The following COL21A1 variants were observed in gnomAD, a reference collection of about 807,000 sequenced individuals.
COL21A1 encodes collagen alpha-1(XXI) chain.
COL21A1 carries 149 observed loss-of-function variants against 137.9 expected under a neutral mutation model. The ratio of observed to expected loss-of-function variants is 1.08; its 90% confidence interval spans 0.95 to 1.24. The LOEUF (loss-of-function observed/expected upper bound fraction) is 1.24, where lower values mean the gene tolerates loss of function less well. Among genes scored for constraint, COL21A1 ranks in the 50% most tolerant of loss-of-function variants. The pLI is 0.00. For synonymous variants in COL21A1, 456 were observed against 391.5 expected, an observed-to-expected ratio of 1.16 and a Z score of -1.95; for missense variants, 1,167 against 1,158.4, an observed-to-expected ratio of 1.01 and a Z score of -0.11.
chr6:56,089,033 G>A (rs12192902), intron 17 of COL21A1, among the ~76,000 whole-genome samples: 23,072 of 151,884 alleles, frequency 0.15, 1,775 homozygotes, highest in Middle Eastern at 0.22. Context: ...CAAGTGGTCC[G>A]CCCCCCTTAA....
intron 16 of COL21A1, among the ~76,000 whole-genome samples, chr6:56,113,356 ACCAGC>A (rs1475821102): frequency 6.6e-6 from 1 of 152,178 alleles, no homozygotes; most frequent in East Asian, 1.9e-4. Flanking sequence ...TATCTTGAAT[ACCAGC>A]TCAGCCACAG....
chr6:56,136,877 C>G (rs1774045486), intron 12 of COL21A1, among the ~76,000 whole-genome samples: 1 of 152,132 alleles, frequency 6.6e-6, no homozygotes, highest in Admixed American at 6.6e-5. Flanking sequence ...CATGAACACT[C>G]CTATGGCCCA....
rs747474691 is a variant in COL21A1 at position 56,057,815 on chromosome 6, C to G, written c.2716G>C (p.Glu906Gln). Residue 906 changes from glutamate (E) to glutamine (Q), a missense_variant, in exon 30 of 30, where the codon GAA becomes CAA. Coordinates refer to ENST00000244728, the MANE Select transcript of COL21A1 (RefSeq NM_030820.4). ...AGACCTGGGTCTCCTGGAGGACCTT[C>G]TTTGCTTATTCCAGGAGGGCCCTCT... ...GPEGPPGISK[E>Q]GPPGDPGLPG... The G allele has an allele frequency of 3.8e-6, 6 of 1,585,208 alleles. No homozygotes were observed. In the African/African-American group the frequency reaches 8.2e-5, roughly 22 times the overall value.
chr6:56,346,313 C>T (rs1765596469), intron 1 of COL21A1, among the ~76,000 whole-genome samples: 1 of 152,170 alleles, frequency 6.6e-6, no homozygotes, highest in Non-Finnish European at 1.5e-5. Context: ...TTTGCCTATT[C>T]CTCAAATTTA....
At chr6:56,174,847 C>A (rs1007806976) in intron 3 of COL21A1, among the ~76,000 whole-genome samples, 5 of 151,908 alleles carry the variant, frequency 3.3e-5, no homozygotes, top group African/African-American at 1.2e-4. Context: ...GAAAAAGATA[C>A]CATAATAAAA....
At chr6:56,383,073 G>A (rs1234270928) in intron 1 of COL21A1, among the ~76,000 whole-genome samples, 1 of 152,152 alleles carries the variant, frequency 6.6e-6, no homozygotes, top group East Asian at 1.9e-4. Context: ...AATACAGGAT[G>A]CTATAACAGA....
chr6:56,170,963 G>T lies in COL21A1; in HGVS notation c.806C>A (p.Thr269Lys), dbSNP rs1004347614. Residue 269 changes from threonine to lysine, a missense_variant, in exon 4 of 30, where the codon ACA becomes AAA. Thr to Lys is a moderately conservative substitution (Grantham distance 78, BLOSUM62 -1). Coordinates refer to ENST00000244728, the MANE Select transcript of COL21A1 (RefSeq NM_030820.4). Reference sequence around the variant, plus strand: ...TGTGTCAACATATAATGCATACCTTGTGAGTTCTGATAAATCAACTTTTGA... The same window carrying T: ...TGTGTCAACATATAATGCATACCTTTTGAGTTCTGATAAATCAACTTTTGA... Reference protein sequence around the residue: ...VTSKVDLSELTSNVFPEGLPP... With the variant: ...VTSKVDLSELKSNVFPEGLPP... The T allele has an allele frequency of 1.2e-6, 2 of 1,601,312 alleles. No individual in the cohort carries two copies. The highest frequency in any genetic ancestry group is 1.7e-6 in the Non-Finnish European group (2 of 1,174,534).
At chr6:56,345,306 T>C (rs1765570804) in intron 1 of COL21A1, among the ~76,000 whole-genome samples, 1 of 152,180 alleles carries the variant, frequency 6.6e-6, no homozygotes, top group South Asian at 2.1e-4. Flanking sequence ...TTTGAGTAGG[T>C]GGCTTTTTGC....
chr6:56,247,919 G>A (rs1041063116), upstream of COL21A1, among the ~76,000 whole-genome samples: 6 of 152,216 alleles, frequency 3.9e-5, no homozygotes, highest in African/African-American at 1.4e-4. Context: ...ATCGAAGGAG[G>A]CCTGCCTCCC....
chr6:56,319,615 G>A (rs1764820247), intron 1 of COL21A1, among the ~76,000 whole-genome samples: 1 of 152,164 alleles, frequency 6.6e-6, no homozygotes, highest in Non-Finnish European at 1.5e-5. Context: ...TGGCATTATA[G>A]GCATGAGCCA....
At chr6:56,211,706 A>T (rs971327136) in intron 1 of COL21A1, among the ~76,000 whole-genome samples, 4 of 151,920 alleles carry the variant, frequency 2.6e-5, no homozygotes, top group Non-Finnish European at 4.4e-5. Flanking sequence ...GATTGTCACC[A>T]TTTTTTTTAA....
At chr6:56,058,848 C>G (rs566286204) in intron 29 of COL21A1, among the ~76,000 whole-genome samples, 2 of 152,256 alleles carry the variant, frequency 1.3e-5, no homozygotes, top group African/African-American at 4.8e-5. Context: ...CAGCATTTCT[C>G]TGCTTCCCTG....
intron 1 of COL21A1, among the ~76,000 whole-genome samples, chr6:56,200,162 T>G (rs930067870): frequency 3.3e-5 from 5 of 152,250 alleles, no homozygotes; most frequent in African/African-American, 9.6e-5. Flanking sequence ...CAGTGAGTCA[T>G]GCATGTGGGA....
chr6:56,298,105 T>TA (rs111713033), intron 1 of COL21A1, among the ~76,000 whole-genome samples: 38,156 of 142,706 alleles, frequency 0.27, 5,165 homozygotes, highest in Non-Finnish European at 0.31. Flanking sequence ...GATGCTAAAT[T>TA]AAAAAAAAAA....
intron 3 of COL21A1, among the ~76,000 whole-genome samples, chr6:56,172,676 G>T (rs1337905251): frequency 1.3e-5 from 2 of 152,012 alleles, no homozygotes; most frequent in Non-Finnish European, 2.9e-5. Context: ...TTTAATTCTG[G>T]TGTAAAAGTT....
At chr6:56,071,647 T>C (rs1032360849) in intron 20 of COL21A1, among the ~76,000 whole-genome samples, 5 of 151,568 alleles carry the variant, frequency 3.3e-5, no homozygotes, top group African/African-American at 1.2e-4. Flanking sequence ...GAAGATCACA[T>C]TAGATTTAAT....
intron 1 of COL21A1, among the ~76,000 whole-genome samples, chr6:56,379,593 T>G (rs905466408): frequency 2.0e-5 from 3 of 152,194 alleles, no homozygotes; most frequent in African/African-American, 7.2e-5. Context: ...CATCCTACGT[T>G]CCTGCCTAGA....
At chr6:56,157,953 T>C (rs1278288542) in intron 9 of COL21A1, among the ~76,000 whole-genome samples, 1 of 152,190 alleles carries the variant, frequency 6.6e-6, no homozygotes, top group South Asian at 2.1e-4. Flanking sequence ...TAATACCACA[T>C]GGCAATGAGC....
At chr6:56,061,740 C>T in intron 24 of COL21A1, 59 bp from the exon 25 acceptor site, 1 of 1,132,290 alleles carries the variant, frequency 8.8e-7, no homozygotes. Flanking sequence ...TGTAATGTGG[C>T]ATCCACCTTT....
Sources: allele counts gnomAD v4.1 joint callset (sites outside exome capture counted in the v4.1 genomes callset), GRCh38; gene constraint gnomAD v4.1.1; transcripts MANE v1.5; gene names NCBI Gene and HGNC (gene_info 2026-07-23, HGNC 2026-07-21).